Variants in EYA1 observed in about 807,000 individuals in gnomAD.
EYA1 encodes EYA transcriptional coactivator and phosphatase 1.
A neutral mutation model predicts 82.0 loss-of-function variants in EYA1; 16 were observed. That is an observed-to-expected ratio of 0.20 (90% CI 0.13 to 0.30). EYA1 has a LOEUF of 0.30. EYA1 is among the 10% of genes least tolerant of loss of function. The probability of loss-of-function intolerance (pLI) is 1.00; values close to 1 mark genes in which losing one functional copy is unlikely to be tolerated. For missense variants in EYA1, 633 were observed against 730.7 expected, an observed-to-expected ratio of 0.87 and a Z score of 1.54; for synonymous variants, 261 against 264.4, an observed-to-expected ratio of 0.99 and a Z score of 0.12.
chr8:71,304,587 T>C (rs950423530), intron 7 of EYA1, among the ~76,000 whole-genome samples: 3 of 142,810 alleles, frequency 2.1e-5, no homozygotes, highest in Non-Finnish European at 4.8e-5. Flanking sequence ...AAAATCCACA[T>C]GTTTACCAAA....
chr8:71,418,617 C>T (rs1830980559), intron 2 of EYA1, among the ~76,000 whole-genome samples: 2 of 152,196 alleles, frequency 1.3e-5, no homozygotes, highest in South Asian at 4.1e-4. Context: ...TTCAAATATA[C>T]ACATTATCTC....
chr8:71,452,234 C>T (rs1344173236), intron 2 of EYA1, among the ~76,000 whole-genome samples: 1 of 152,204 alleles, frequency 6.6e-6, no homozygotes, highest in African/African-American at 2.4e-5. Context: ...GGGCGCCCGC[C>T]ATTGCTGAGG....
chr8:71,251,777 A>T (rs1216008646), intron 11 of EYA1, among the ~76,000 whole-genome samples: 1 of 152,126 alleles, frequency 6.6e-6, no homozygotes, highest in Non-Finnish European at 1.5e-5. Context: ...AATTTTCATC[A>T]TGTACCCAAA....
chr8:71,518,675 G>A (rs1813166788), intron 2 of EYA1, among the ~76,000 whole-genome samples: 1 of 152,016 alleles, frequency 6.6e-6, no homozygotes, highest in Admixed American at 6.6e-5. Flanking sequence ...TCAACCCAAT[G>A]CAAAAACAAG....
At chr8:71,416,493 A>G (rs1384126430) in intron 2 of EYA1, among the ~76,000 whole-genome samples, 2 of 152,256 alleles carry the variant, frequency 1.3e-5, no homozygotes, top group Non-Finnish European at 2.9e-5. Flanking sequence ...ATGGAAAAAC[A>G]GAATTTTAAA....
intron 2 of EYA1, among the ~76,000 whole-genome samples, chr8:71,377,593 CAT>C (rs1210724774): frequency 6.6e-6 from 1 of 152,136 alleles, no homozygotes; most frequent in East Asian, 1.9e-4. Flanking sequence ...ATGTATATAA[CAT>C]AAAATTTACC....
chr8:71,241,118 A>G (rs947519489), intron 12 of EYA1, among the ~76,000 whole-genome samples: 1 of 152,194 alleles, frequency 6.6e-6, no homozygotes, highest in Non-Finnish European at 1.5e-5. Flanking sequence ...TGGGGGGAAA[A>G]TATTATTTCC....
intron 2 of EYA1, among the ~76,000 whole-genome samples, chr8:71,454,997 T>G (rs1166257157): frequency 6.6e-6 from 1 of 151,722 alleles, no homozygotes; most frequent in East Asian, 1.9e-4. Context: ...TCAACAAAAT[T>G]GACAGACTGC....
intron 2 of EYA1, among the ~76,000 whole-genome samples, chr8:71,494,444 G>A (rs569590355): frequency 2.0e-5 from 3 of 151,934 alleles, no homozygotes; most frequent in South Asian, 2.1e-4. Flanking sequence ...AAATGAAGAC[G>A]TAATCAATAG....
chr8:71,267,052 C>T (rs551872205), intron 11 of EYA1, among the ~76,000 whole-genome samples: 2 of 152,270 alleles, frequency 1.3e-5, no homozygotes, highest in Admixed American at 6.5e-5. Context: ...CCAATTTGGA[C>T]CCCCATTTTT....
chr8:71,252,088 G>A (rs942399367), intron 11 of EYA1, among the ~76,000 whole-genome samples: 6 of 151,874 alleles, frequency 4.0e-5, no homozygotes, highest in African/African-American at 1.4e-4. Flanking sequence ...TCCTCTTGGG[G>A]CCCTGCTTTG....
intron 7 of EYA1, among the ~76,000 whole-genome samples, chr8:71,303,113 C>G (rs986938957): frequency 1.4e-5 from 2 of 142,164 alleles, no homozygotes; most frequent in Admixed American, 7.0e-5. Flanking sequence ...TTCCTCCTGT[C>G]AAATCCAGGT....
At position 71,454,695 on chromosome 8, in the gene EYA1, G is replaced by A. The variant is rs564731862; in HGVS notation, c.33+81049C>T. On this transcript the variant is annotated intron_variant, in intron 2 of 18. Transcript: ENST00000643681. ...CTGGGTACATACTGAAATGAAGGCA[G>A]AAATACAGATTTTCTTTGAAACCAA... 1.2e-4 allele frequency among the ~76,000 whole-genome samples: 19 copies of A among 152,334 alleles called. No individual in the cohort carries two copies. The South Asian group carries it at 2.9e-3, about 23-fold the overall frequency.
chr8:71,354,670 T>C (rs1438850657), intron 3 of EYA1, 112 bp downstream of exon 3: 1 of 1,044,768 alleles, frequency 9.6e-7, no homozygotes, highest in Non-Finnish European at 1.5e-6. Context: ...AAAGGGGAAA[T>C]ATAAGAGTAG....
chr8:71,296,817 A>G (rs1438133635), intron 9 of EYA1, among the ~76,000 whole-genome samples: 4 of 152,124 alleles, frequency 2.6e-5, no homozygotes, highest in Admixed American at 6.5e-5. Context: ...TAGTAAGTCT[A>G]TTATTTTATA....
chr8:71,389,760 T>C (rs1829167717), intron 2 of EYA1, among the ~76,000 whole-genome samples: 2 of 152,218 alleles, frequency 1.3e-5, no homozygotes, highest in South Asian at 2.1e-4. Flanking sequence ...CTCCAGTTAC[T>C]AGCAGAGTTT....
At chr8:71,524,002 C>T (rs1813634419) in intron 2 of EYA1, among the ~76,000 whole-genome samples, 2 of 152,140 alleles carry the variant, frequency 1.3e-5, no homozygotes, top group African/African-American at 4.8e-5. Flanking sequence ...GCTGAGCAAA[C>T]AGCTAATTCT....
intron 2 of EYA1, among the ~76,000 whole-genome samples, chr8:71,513,626 T>C (rs1812757396): frequency 6.6e-6 from 1 of 152,112 alleles, no homozygotes; most frequent in African/African-American, 2.4e-5. Context: ...CCTCTTTTAG[T>C]TATTTTAAAA....
chr8:71,440,380 G>A (rs547885845), intron 2 of EYA1, among the ~76,000 whole-genome samples: 9 of 152,272 alleles, frequency 5.9e-5, no homozygotes, highest in Non-Finnish European at 8.8e-5. Context: ...CTCTTTGAAC[G>A]ACATGGGCAG....
Sources: allele counts gnomAD v4.1 joint callset (sites outside exome capture counted in the v4.1 genomes callset), GRCh38; gene constraint gnomAD v4.1.1; transcripts MANE v1.5; gene names NCBI Gene and HGNC (gene_info 2026-07-23, HGNC 2026-07-21).